The following PTGFRN variants were observed in gnomAD, a reference collection of about 807,000 sequenced individuals.
PTGFRN encodes prostaglandin F2 receptor negative regulator.
Under a neutral mutation model 83.2 loss-of-function variants are expected in PTGFRN, and 35 were observed. The ratio of observed to expected loss-of-function variants is 0.42; its 90% CI spans 0.32 to 0.56. PTGFRN has a LOEUF of 0.56. PTGFRN is among the 20% of genes least tolerant of loss of function. PTGFRN has a pLI of 0.11. For synonymous variants in PTGFRN, 519 were observed against 498.6 expected (o/e 1.04, Z -0.55); for missense variants, 1,051 against 1,179.5 (o/e 0.89, Z 1.60).
At chr1:116,956,496 T>C (rs1463642618) in intron 4 of PTGFRN, among the ~76,000 whole-genome samples, 1 of 152,228 alleles carries the variant, frequency 6.6e-6, no homozygotes, top group Non-Finnish European at 1.5e-5. Flanking sequence ...AAGAATCTCT[T>C]CAGTCATTAT....
chr1:116,987,368 G>A lies in PTGFRN; in HGVS notation c.*401G>A, dbSNP rs1026232586. The A allele has an allele frequency of 6.6e-5, 13 of 197,808 alleles. No homozygotes were observed. The highest frequency in any genetic ancestry group is 1.9e-4 in the African/African-American group (8 of 42,456). The allele number at this position is 197,808 out of a possible 1,614,324, so 12.3% of individuals were successfully genotyped here. ...ATCTTCAGTGAGAATGTGCCTGCCCGCCTGAGAGCCAGCTTCCGCGTTGGA... is the reference window on the plus strand; with the variant it reads ...ATCTTCAGTGAGAATGTGCCTGCCCACCTGAGAGCCAGCTTCCGCGTTGGA... On this transcript the variant is annotated 3_prime_UTR_variant, in exon 9 of 9. Coordinates refer to ENST00000393203, the MANE Select transcript of PTGFRN (RefSeq NM_020440.4).
intron 1 of PTGFRN, 49 bp downstream of exon 1, chr1:116,910,301 T>C (rs1316698347): frequency 8.5e-6 from 11 of 1,289,900 alleles, no homozygotes; most frequent in Admixed American, 4.2e-5. Flanking sequence ...GGCGAGGCCC[T>C]GGAGGGCTCG....
chr1:116,972,999 C>T (rs140019430), intron 6 of PTGFRN, among the ~76,000 whole-genome samples: 1 of 152,242 alleles, frequency 6.6e-6, no homozygotes, highest in African/African-American at 2.4e-5. Flanking sequence ...TCTTGACTCA[C>T]TGTAGCCCCA....
rs1296189491 is a variant in PTGFRN at position 116,986,878 on chromosome 1, G to A, written c.2551G>A (p.Gly851Arg). ...CATCGGGCTCCTGTCCTGTCTCATCGGGTACTGCAGCTCCCACTGGTGTTG... is the reference window on the plus strand; with the variant it reads ...CATCGGGCTCCTGTCCTGTCTCATCAGGTACTGCAGCTCCCACTGGTGTTG... ...TVIGLLSCLI[G>R]YCSSHWCCKK... is the part of the protein sequence containing the mutation. The change falls in exon 9 of 9, where the codon GGG (glycine) becomes AGG (arginine). Residue 851 changes from glycine to arginine, a missense_variant. Transcript: ENST00000393203. 5 of 1,614,114 alleles carry A rather than the reference G, an allele frequency of 3.1e-6. No individual in the cohort carries two copies. Among genetic ancestry groups the A allele is most frequent in the African/African-American group, 1.3e-5 (1 of 74,958 alleles).
chr1:116,965,761 A>T (rs1022903807), intron 5 of PTGFRN, among the ~76,000 whole-genome samples: 2 of 152,066 alleles, frequency 1.3e-5, no homozygotes, highest in Non-Finnish European at 2.9e-5. Context: ...TTATTTGTTT[A>T]TTTCATTTGT....
At chr1:116,930,217 T>C (rs1002568730) in intron 1 of PTGFRN, among the ~76,000 whole-genome samples, 7 of 152,256 alleles carry the variant, frequency 4.6e-5, no homozygotes, top group Non-Finnish European at 8.8e-5. Flanking sequence ...CTTCAAACCC[T>C]TTCTTGAAAT....
At chr1:116,953,721 T>TA (rs1650406318) in intron 4 of PTGFRN, among the ~76,000 whole-genome samples, 1 of 152,004 alleles carries the variant, frequency 6.6e-6, no homozygotes, top group Admixed American at 6.5e-5. Flanking sequence ...CAGCTGCTCC[T>TA]AAGAGGAGCT....
At chr1:116,937,126 T>C (rs536882681) in intron 1 of PTGFRN, among the ~76,000 whole-genome samples, 2 of 152,186 alleles carry the variant, frequency 1.3e-5, no homozygotes, top group South Asian at 4.2e-4. Context: ...GAGAGTGTCC[T>C]GGGTTGAGGA....
At chr1:116,942,313 G>T (rs559937593) in intron 2 of PTGFRN, among the ~76,000 whole-genome samples, 1 of 152,184 alleles carries the variant, frequency 6.6e-6, no homozygotes, top group African/African-American at 2.4e-5. Context: ...TCTTCACTCC[G>T]GTATGGTTCT....
At chr1:116,959,638 T>G (rs1184614553) in intron 4 of PTGFRN, among the ~76,000 whole-genome samples, 4 of 152,262 alleles carry the variant, frequency 2.6e-5, no homozygotes, top group African/African-American at 4.8e-5. Flanking sequence ...TTAGGTAGTA[T>G]TATTTTTCTC....
intron 1 of PTGFRN, among the ~76,000 whole-genome samples, chr1:116,925,778 G>A (rs1384528242): frequency 6.6e-6 from 1 of 152,024 alleles, no homozygotes; most frequent in Non-Finnish European, 1.5e-5. Context: ...CATCTTTATC[G>A]ACTCTGACGC....
intron 7 of PTGFRN, among the ~76,000 whole-genome samples, chr1:116,975,011 G>A (rs1651106348): frequency 6.6e-6 from 1 of 152,148 alleles, no homozygotes; most frequent in African/African-American, 2.4e-5. Flanking sequence ...CTGGAAAATT[G>A]GGTCACTCCC....
chr1:116,927,546 A>C (rs1282767543), intron 1 of PTGFRN, among the ~76,000 whole-genome samples: 1 of 81,874 alleles, frequency 1.2e-5, no homozygotes, highest in African/African-American at 1.3e-4. Flanking sequence ...TTTTTTTTTG[A>C]TACAGGGTCT....
At chr1:116,981,264 A>T (rs1557750813) in intron 7 of PTGFRN, among the ~76,000 whole-genome samples, 1 of 151,914 alleles carries the variant, frequency 6.6e-6, no homozygotes, top group Non-Finnish European at 1.5e-5. Flanking sequence ...ACTCATGAAG[A>T]CCCTAATTCC....
chr1:116,959,592 CAGATAA>C (rs1650590724), intron 4 of PTGFRN, among the ~76,000 whole-genome samples: 4 of 152,200 alleles, frequency 2.6e-5, no homozygotes, highest in African/African-American at 7.2e-5. Flanking sequence ...CAAGGTGATG[CAGATAA>C]AGATAATGTT....
At chr1:116,932,941 A>G (rs1649835524) in intron 1 of PTGFRN, among the ~76,000 whole-genome samples, 4 of 152,168 alleles carry the variant, frequency 2.6e-5, no homozygotes, top group South Asian at 4.2e-4. Flanking sequence ...TTGATTCTCA[A>G]TTTCCTCATA....
chr1:116,986,636 C>G (rs539795088), intron 8 of PTGFRN, among the ~76,000 whole-genome samples, 165 bp from the exon 9 acceptor site: 18 of 152,334 alleles, frequency 1.2e-4, no homozygotes, highest in African/African-American at 4.3e-4. Context: ...ACAGATAAGG[C>G]TGAGCTTCTC....
chr1:116,919,423 A>G (rs1215100651), intron 1 of PTGFRN, among the ~76,000 whole-genome samples: 1 of 151,848 alleles, frequency 6.6e-6, no homozygotes, highest in African/African-American at 2.4e-5. Flanking sequence ...TTTTAAAGAG[A>G]GGGGGTCTCT....
chr1:116,910,401 C>A, intron 1 of PTGFRN, 149 bp downstream of exon 1: 1 of 631,136 alleles, frequency 1.6e-6, no homozygotes, highest in Non-Finnish European at 2.1e-6. Context: ...GGTTGTTCGG[C>A]CCGGCGGGGA....
Sources: allele counts gnomAD v4.1 joint callset (sites outside exome capture counted in the v4.1 genomes callset), GRCh38; gene constraint gnomAD v4.1.1; transcripts MANE v1.5; gene names NCBI Gene and HGNC (gene_info 2026-07-23, HGNC 2026-07-21).